The following SGMS1 variants were observed in gnomAD, a reference collection of about 807,000 sequenced individuals.
SGMS1 encodes sphingomyelin synthase 1, also known as phosphatidylcholine:ceramide cholinephosphotransferase 1.
Under a neutral mutation model 46.2 loss-of-function variants are expected in SGMS1, and 13 were observed. The ratio of observed to expected loss-of-function variants is 0.28; its 90% CI spans 0.18 to 0.45. SGMS1 has a LOEUF of 0.45. SGMS1 is among the 20% of genes least tolerant of loss of function. SGMS1 has a pLI of 1.00. For synonymous variants in SGMS1, 203 were observed against 187.8 expected (o/e 1.08, Z -0.66); for missense variants, 324 against 519.9 (o/e 0.62, Z 3.66).
upstream of SGMS1, chr10:50,624,045 G>A: frequency 1.0e-6 from 1 of 985,432 alleles, no homozygotes; most frequent in South Asian, 4.7e-5. Context: ...CGGCCGGGGG[G>A]GCGGGCCGGC....
At chr10:50,423,813 A>G (rs1414533751) in intron 6 of SGMS1, among the ~76,000 whole-genome samples, 3 of 152,268 alleles carry the variant, frequency 2.0e-5, no homozygotes, top group African/African-American at 4.8e-5. Context: ...AATATTTCTA[A>G]TACTGTACTC....
chr10:50,530,174 G>A (rs986289580), intron 2 of SGMS1, among the ~76,000 whole-genome samples: 1 of 152,134 alleles, frequency 6.6e-6, no homozygotes, highest in African/African-American at 2.4e-5. Context: ...AGCTTCATCA[G>A]AATTTTTTTG....
chr10:50,579,050 A>AG (rs1319578477), intron 2 of SGMS1, among the ~76,000 whole-genome samples: 1 of 152,012 alleles, frequency 6.6e-6, no homozygotes, highest in East Asian at 1.9e-4. Context: ...ATGCAAAAAA[A>AG]GCTTAAAAAG....
chr10:50,434,354 C>T (rs1156857325), intron 5 of SGMS1, among the ~76,000 whole-genome samples: 1 of 152,142 alleles, frequency 6.6e-6, no homozygotes, highest in Non-Finnish European at 1.5e-5. Context: ...ATGTGAAGAA[C>T]GTGTGGCTCC....
chr10:50,615,451 C>T (rs1295222318), intron 1 of SGMS1, among the ~76,000 whole-genome samples: 1 of 152,194 alleles, frequency 6.6e-6, no homozygotes, highest in African/African-American at 2.4e-5. Flanking sequence ...GCTGTTATGA[C>T]ACCTACCAGA....
intron 6 of SGMS1, among the ~76,000 whole-genome samples, chr10:50,407,885 T>C (rs1849039327): frequency 6.6e-6 from 1 of 152,134 alleles, no homozygotes. Flanking sequence ...TAATATCTAT[T>C]TTTTTTAAGG....
At chr10:50,330,128 A>C (rs1345315530) in intron 7 of SGMS1, among the ~76,000 whole-genome samples, 1 of 152,104 alleles carries the variant, frequency 6.6e-6, no homozygotes, top group Non-Finnish European at 1.5e-5. Flanking sequence ...CCAGCACTAG[A>C]GTGTTTTTGG....
At chr10:50,594,573 TAATTCTACAAAA>T (rs1265178151) in intron 1 of SGMS1, among the ~76,000 whole-genome samples, 2 of 152,242 alleles carry the variant, frequency 1.3e-5, no homozygotes, top group East Asian at 3.8e-4. Flanking sequence ...TTATTTATAG[TAATTCTACAAAA>T]AATTCTCAAT....
At chr10:50,590,600 T>C (rs1838531289) in intron 1 of SGMS1, 1 of 152,176 alleles carries the variant, frequency 6.6e-6, no homozygotes, top group Admixed American at 6.5e-5. Flanking sequence ...GTGAAATGAT[T>C]GCCACAAACT....
intron 2 of SGMS1, among the ~76,000 whole-genome samples, chr10:50,547,082 G>T (rs1454189171): frequency 1.3e-5 from 2 of 152,140 alleles, no homozygotes; most frequent in Non-Finnish European, 2.9e-5. Flanking sequence ...TGACAAAGGA[G>T]TATACTCTAT....
intron 8 of SGMS1, among the ~76,000 whole-genome samples, chr10:50,319,161 CAAAA>C (rs5784829): frequency 1.9e-5 from 2 of 107,842 alleles, no homozygotes; most frequent in African/African-American, 3.3e-5. Flanking sequence ...GATTTGCCAC[CAAAA>C]AAAAAAAAAA....
At chr10:50,430,877 T>C (rs1415043827) in intron 6 of SGMS1, among the ~76,000 whole-genome samples, 4 of 152,148 alleles carry the variant, frequency 2.6e-5, no homozygotes, top group Non-Finnish European at 5.9e-5. Flanking sequence ...GAGTCCCAAG[T>C]ATCTAGTAAA....
chr10:50,575,599 C>T (rs1381377605), intron 2 of SGMS1, among the ~76,000 whole-genome samples: 3 of 151,982 alleles, frequency 2.0e-5, no homozygotes, highest in Non-Finnish European at 4.4e-5. Flanking sequence ...TTCTTACCCC[C>T]GTCACCCTCC....
At chr10:50,401,675 T>C (rs540600058) in intron 6 of SGMS1, among the ~76,000 whole-genome samples, 1 of 152,364 alleles carries the variant, frequency 6.6e-6, no homozygotes, top group South Asian at 2.1e-4. Context: ...AAGGGATACA[T>C]GTTTTACATT....
intron 6 of SGMS1, among the ~76,000 whole-genome samples, chr10:50,378,887 A>G (rs1161425863): frequency 6.6e-6 from 1 of 152,190 alleles, no homozygotes; most frequent in Non-Finnish European, 1.5e-5. Flanking sequence ...TTATTCTCAA[A>G]TGAGTAGGGA....
At chr10:50,565,659 A>G (rs748960712) in intron 2 of SGMS1, among the ~76,000 whole-genome samples, 11 of 151,994 alleles carry the variant, frequency 7.2e-5, no homozygotes, top group Non-Finnish European at 1.2e-4. Context: ...ATAGCGTCTG[A>G]CTCCTTTGCC....
intron 1 of SGMS1, among the ~76,000 whole-genome samples, chr10:50,608,199 G>C (rs1317915751): frequency 6.6e-6 from 1 of 152,156 alleles, no homozygotes; most frequent in African/African-American, 2.4e-5. Context: ...ATCAAAATGT[G>C]CATTTGGTGA....
Position 50,385,578 on chromosome 10 carries a change from C to G in SGMS1, c.-231-41233G>C, listed in dbSNP as rs368991610. On this transcript the variant is annotated intron_variant, in intron 6 of 10. Transcript: ENST00000361781. ...TTTATAAGTGCTCCATGAAATCAAT[C>G]ACTGTTCTTTTAAGCGAGTTGTCAT... 4.6e-5 allele frequency among the ~76,000 whole-genome samples: 7 copies of G among 152,108 alleles called. No individual in the cohort carries two copies. The South Asian group carries it at 1.5e-3, about 32-fold the overall frequency.
chr10:50,501,544 A>G (rs576622038), intron 3 of SGMS1, among the ~76,000 whole-genome samples: 62 of 152,342 alleles, frequency 4.1e-4, no homozygotes, highest in African/African-American at 1.4e-3. Flanking sequence ...TCACACGCAG[A>G]CCAAAAAAAA....
Sources: gnomAD v4.1 joint callset for allele counts (sites outside exome capture counted in the v4.1 genomes callset) on GRCh38, gnomAD v4.1.1 for gene constraint, MANE v1.5 for transcripts, NCBI Gene and HGNC (gene_info 2026-07-23, HGNC 2026-07-21) for gene names.